NDUFA13: variants seen among roughly 807,000 people sequenced by gnomAD.
NDUFA13 encodes NADH:ubiquinone oxidoreductase subunit A13.
In NDUFA13, 16 loss-of-function variants were observed where a neutral mutation model predicts 17.0. The ratio of observed to expected loss-of-function variants is 0.94; its 90% CI spans 0.64 to 1.43. NDUFA13 has a LOEUF of 1.43. Ranked by LOEUF, NDUFA13 falls within the 40% of genes most tolerant of loss-of-function variation. The probability of loss-of-function intolerance (pLI) is 0.00; values close to 1 mark genes in which losing one functional copy is unlikely to be tolerated. For missense variants in NDUFA13, 228 were observed against 206.7 expected, an observed-to-expected ratio of 1.10 and a Z score of -0.63; for synonymous variants, 87 against 78.4, an observed-to-expected ratio of 1.11 and a Z score of -0.58.
intron 1 of NDUFA13, among the ~76,000 whole-genome samples, chr19:19,520,065 C>T (rs960917678): frequency 2.7e-5 from 4 of 147,264 alleles, no homozygotes; most frequent in Non-Finnish European, 4.4e-5. Context: ...AGGATGGTCT[C>T]GATCTCCTGA....
chr19:19,527,914 G>T, intron 4 of NDUFA13, 93 bp from the exon 5 acceptor site: 1 of 1,527,454 alleles, frequency 6.5e-7, no homozygotes, highest in Non-Finnish European at 9.0e-7. Context: ...TGTAGCGCCT[G>T]CCACGCACAG....
At chr19:19,522,490 T>TTTTTTTTTTTTTTTTTTG in intron 1 of NDUFA13, among the ~76,000 whole-genome samples, 1 of 136,430 alleles carries the variant, frequency 7.3e-6, no homozygotes. Flanking sequence ...TTTTTTTTTT[T>TTTTTTTTTTTTTTTTTTG]TTTTTTGAGA....
chr19:19,524,231 C>A (rs988774652), intron 1 of NDUFA13, among the ~76,000 whole-genome samples: 1 of 152,248 alleles, frequency 6.6e-6, no homozygotes, highest in African/African-American at 2.4e-5. Context: ...CCTTGGCCCC[C>A]CTGTGGTTGG....
In NDUFA13 at chr19:19,527,265, T is replaced by C; in HGVS notation, c.174-16T>C. On this transcript the variant is annotated splice_polypyrimidine_tract_variant and intron_variant, in intron 2 of 4. Coordinates refer to ENST00000507754, the MANE Select transcript of NDUFA13 (RefSeq NM_015965.7). The stretch of plus-strand genomic sequence containing the variant: ...TAGCCTGGTCTGACCTGAGTGTGGG[T>C]TTCGGGCTTTCACAGGCGCCTACAA... 6.2e-7 allele frequency: 1 copy of C among 1,610,186 alleles called. No individual in the cohort carries two copies. Among genetic ancestry groups the C allele is most frequent in the South Asian group, 1.1e-5 (1 of 91,024 alleles).
intron 1 of NDUFA13, among the ~76,000 whole-genome samples, chr19:19,518,486 C>G (rs555497156): frequency 2.0e-5 from 3 of 151,842 alleles, no homozygotes; most frequent in African/African-American, 7.3e-5. Flanking sequence ...CCACCCACCT[C>G]GGCCTCCCAA....
chr19:19,527,154 C>T (rs2061104229), intron 2 of NDUFA13, 127 bp from the exon 3 acceptor site: 1 of 954,160 alleles, frequency 1.0e-6, no homozygotes, highest in Admixed American at 2.1e-5. Context: ...TCGCCCTGCC[C>T]CCTGCCTGCC....
Position 19,526,313 on chromosome 19 carries a change from G to A in NDUFA13, c.173+53G>A, listed in dbSNP as rs979130736. The stretch of plus-strand genomic sequence containing the variant: ...AAGTGCCCCCCCGGCGAGTTGTCGG[G>A]GTCCTGTAGCATTCCGCTGTTGTCT... On this transcript the variant is annotated intron_variant, in intron 2 of 4. Coordinates refer to ENST00000507754, the MANE Select transcript of NDUFA13 (RefSeq NM_015965.7). The A allele has an allele frequency of 2.6e-5, 41 of 1,591,560 alleles. No individual in the cohort carries two copies. In the African/African-American group the frequency reaches 3.4e-4, roughly 13 times the overall value.
intron 1 of NDUFA13, among the ~76,000 whole-genome samples, chr19:19,524,314 T>C (rs2061091117): frequency 6.6e-6 from 1 of 152,214 alleles, no homozygotes; most frequent in Non-Finnish European, 1.5e-5. Context: ...ATCTCATACA[T>C]CTCTGTTCTA....
At chr19:19,518,358 C>T (rs2061059691) in intron 1 of NDUFA13, among the ~76,000 whole-genome samples, 1 of 151,536 alleles carries the variant, frequency 6.6e-6, no homozygotes, top group Admixed American at 6.6e-5. Context: ...TCTCAGCCTC[C>T]CGAGTAGCTG....
At chr19:19,523,605 C>G (rs760738456) in intron 1 of NDUFA13, among the ~76,000 whole-genome samples, 3 of 151,842 alleles carry the variant, frequency 2.0e-5, no homozygotes, top group Non-Finnish European at 4.4e-5. Flanking sequence ...ACCACAGATA[C>G]GTGCCACCAC....
At chr19:19,524,461 T>C (rs1433735050) in intron 1 of NDUFA13, among the ~76,000 whole-genome samples, 1 of 152,168 alleles carries the variant, frequency 6.6e-6, no homozygotes, top group South Asian at 2.1e-4. Context: ...CAAGGGCCCA[T>C]TTTCTGCACC....
intron 1 of NDUFA13, among the ~76,000 whole-genome samples, chr19:19,516,945 G>A (rs1194368891): frequency 6.6e-6 from 1 of 151,866 alleles, no homozygotes; most frequent in African/African-American, 2.4e-5. Flanking sequence ...GTGCCACAAC[G>A]CCTGGCTAAC....
chr19:19,526,520 C>T (rs2061100366), intron 2 of NDUFA13: 1 of 525,100 alleles, frequency 1.9e-6, no homozygotes, highest in South Asian at 2.0e-5. Flanking sequence ...GAGTTCAAGA[C>T]CAGCCTGGGC....
intron 1 of NDUFA13, among the ~76,000 whole-genome samples, chr19:19,525,754 C>A (rs1323690398): frequency 2.0e-5 from 3 of 149,454 alleles, no homozygotes; most frequent in Middle Eastern, 3.6e-3. Context: ...ACGGCCACCC[C>A]TAGAGTCCGG....
intron 1 of NDUFA13, among the ~76,000 whole-genome samples, chr19:19,525,171 C>A (rs777914033): frequency 1.3e-5 from 2 of 152,218 alleles, no homozygotes; most frequent in Admixed American, 1.3e-4. Context: ...CCTCTGAGCC[C>A]GGACCCAGCA....
intron 2 of NDUFA13, chr19:19,526,611 C>T (rs1600349733): frequency 5.3e-6 from 2 of 376,008 alleles, no homozygotes; most frequent in Non-Finnish European, 5.1e-6. Context: ...CAGATTAGGA[C>T]AGGATATGAG....
At chr19:19,520,629 C>CA (rs60817382) in intron 1 of NDUFA13, among the ~76,000 whole-genome samples, 1,718 of 151,940 alleles carry the variant, frequency 0.011, 17 homozygotes, top group South Asian at 0.046. Context: ...GACTCCATCT[C>CA]AAAAAAAATA....
rs1317507320 is a variant in NDUFA13, at chr19:19,525,946, A to G, written c.95-236A>G. ...GGTCCAAACAGCCTTCTAGAACACG[A>G]TGGACCTGGGGCCCCCCTAGCAACC... is the stretch of plus-strand genomic sequence containing the variant. On this transcript the variant is annotated intron_variant, in intron 1 of 4. Transcript: ENST00000507754. 17 of 1,258,274 alleles carry G rather than the reference A, an allele frequency of 1.4e-5. No individual in the cohort carries two copies. The African/African-American group carries it at 2.6e-4, about 19-fold the overall frequency. The allele number at this position is 1,258,274 out of a possible 1,614,324, so 77.9% of individuals were successfully genotyped here.
intron 1 of NDUFA13, among the ~76,000 whole-genome samples, chr19:19,522,378 G>T (rs1427838329): frequency 1.3e-5 from 2 of 151,130 alleles, no homozygotes; most frequent in Non-Finnish European, 3.0e-5. Flanking sequence ...TGTGCTTCTG[G>T]TGTCATATCT....
Sources: gnomAD v4.1 joint callset for allele counts (sites outside exome capture counted in the v4.1 genomes callset) on GRCh38, gnomAD v4.1.1 for gene constraint, MANE v1.5 for transcripts, NCBI Gene and HGNC (gene_info 2026-07-23, HGNC 2026-07-21) for gene names.